Variants in RABGAP1L observed in about 807,000 individuals in gnomAD.
RABGAP1L encodes the protein RAB GTPase activating protein 1 like.
In RABGAP1L, 63 loss-of-function variants were observed where a neutral mutation model predicts 137.7. The ratio of observed to expected loss-of-function variants is 0.46; its 90% CI spans 0.37 to 0.56. RABGAP1L has a LOEUF of 0.56. Ranked by LOEUF, RABGAP1L falls within the 20% of genes least tolerant of loss-of-function variation. The pLI is 0.00. For synonymous variants in RABGAP1L, 431 were observed against 433.7 expected (o/e 0.99, Z 0.08); for missense variants, 1,095 against 1,244.0 (o/e 0.88, Z 1.80).
intron 1 of RABGAP1L, among the ~76,000 whole-genome samples, chr1:174,214,645 A>G (rs1669146086): frequency 6.6e-6 from 1 of 152,176 alleles, no homozygotes; most frequent in Non-Finnish European, 1.5e-5. Flanking sequence ...AAACACATAG[A>G]CCAGTGGAAC....
chr1:174,615,351 A>G (rs187374541), intron 13 of RABGAP1L, among the ~76,000 whole-genome samples: 76 of 152,206 alleles, frequency 5.0e-4, no homozygotes, highest in African/African-American at 1.5e-3. Context: ...TCCAGACCCT[A>G]TTTGCCTGGG....
intron 10 of RABGAP1L, among the ~76,000 whole-genome samples, chr1:174,291,769 G>A (rs1255292338): frequency 6.6e-6 from 1 of 151,672 alleles, no homozygotes; most frequent in Non-Finnish European, 1.5e-5. Flanking sequence ...CATCTATAGG[G>A]TTTGTAGGAT....
intron 17 of RABGAP1L, among the ~76,000 whole-genome samples, chr1:174,734,692 C>T (rs1682782552): frequency 6.6e-6 from 1 of 152,178 alleles, no homozygotes; most frequent in African/African-American, 2.4e-5. Flanking sequence ...CTTTACTTTT[C>T]CACTGGGACC....
chr1:174,437,404 G>A (rs1434271270), intron 13 of RABGAP1L, among the ~76,000 whole-genome samples: 4 of 152,144 alleles, frequency 2.6e-5, no homozygotes, highest in African/African-American at 4.8e-5. Context: ...ACCATGGCAC[G>A]AGAGCTATGT....
intron 19 of RABGAP1L, among the ~76,000 whole-genome samples, chr1:174,902,224 G>A (rs1004370275): frequency 3.3e-5 from 5 of 152,206 alleles, no homozygotes; most frequent in Non-Finnish European, 7.3e-5. Context: ...GGTATGCTGT[G>A]TTGGAGGAGG....
intron 10 of RABGAP1L, among the ~76,000 whole-genome samples, chr1:174,287,503 G>T (rs60005461): frequency 6.6e-6 from 1 of 151,906 alleles, no homozygotes; most frequent in Non-Finnish European, 1.5e-5. Flanking sequence ...CTTTGTTTTT[G>T]TTTTGAGAAG....
At chr1:174,733,959 A>G (rs1261770545) in intron 17 of RABGAP1L, among the ~76,000 whole-genome samples, 3 of 152,158 alleles carry the variant, frequency 2.0e-5, no homozygotes, top group African/African-American at 7.2e-5. Flanking sequence ...TGAATTTGGG[A>G]TATGTTTACC....
At chr1:174,263,703 T>G (rs1176692093) in intron 7 of RABGAP1L, among the ~76,000 whole-genome samples, 1 of 152,134 alleles carries the variant, frequency 6.6e-6, no homozygotes, top group Non-Finnish European at 1.5e-5. Flanking sequence ...AGATTATCTT[T>G]TATTTACTTT....
At chr1:174,641,032 A>C (rs1036701490) in intron 14 of RABGAP1L, among the ~76,000 whole-genome samples, 4 of 149,434 alleles carry the variant, frequency 2.7e-5, no homozygotes, top group African/African-American at 9.8e-5. Flanking sequence ...ATAATTTTAC[A>C]TTTGCAGAGT....
At chr1:174,318,718 T>C (rs1011073741) in intron 11 of RABGAP1L, among the ~76,000 whole-genome samples, 5 of 151,742 alleles carry the variant, frequency 3.3e-5, no homozygotes, top group African/African-American at 1.2e-4. Context: ...TATAATGGCA[T>C]ACTTTATTTC....
At chr1:174,525,363 T>A (rs550207459) in intron 13 of RABGAP1L, among the ~76,000 whole-genome samples, 182 of 152,276 alleles carry the variant, frequency 1.2e-3, no homozygotes, top group African/African-American at 4.2e-3. Flanking sequence ...TTCACCTTCT[T>A]GGTCAAATGT....
intron 18 of RABGAP1L, among the ~76,000 whole-genome samples, chr1:174,806,913 A>G (rs1345971608): frequency 6.6e-6 from 1 of 152,078 alleles, no homozygotes; most frequent in African/African-American, 2.4e-5. Context: ...AGCCTCCAGA[A>G]TATCTGGGAT....
intron 11 of RABGAP1L, among the ~76,000 whole-genome samples, chr1:174,320,575 A>C (rs1679868204): frequency 6.6e-6 from 1 of 152,204 alleles, no homozygotes; most frequent in Admixed American, 6.5e-5. Flanking sequence ...CCATGGCAGA[A>C]GAACATAAAT....
At position 174,221,071 on chromosome 1, in the gene RABGAP1L, T is replaced by G. The variant is rs775576293; in HGVS notation, c.238T>G (p.Ser80Ala). 16 of 1,613,952 alleles carry G rather than the reference T, an allele frequency of 9.9e-6. No homozygotes were observed. In the East Asian group the frequency reaches 3.3e-4, roughly 34 times the overall value. Reference sequence around the variant, plus strand: ...CAGTCTTCTTGTTGATTGTCAAAGTTCCAGTGAGATTTCAGACCATTCGTT... The same window carrying G: ...CAGTCTTCTTGTTGATTGTCAAAGTGCCAGTGAGATTTCAGACCATTCGTT... The part of the protein sequence containing the change: ...PSSLLVDCQS[S>A]SEISDHSFGD... The change falls in exon 3 of 26, where the codon TCC becomes GCC. Residue 80 changes from serine (S) to alanine (A), a missense_variant. By Grantham distance (99) the Ser-to-Ala change is moderately conservative (BLOSUM62 1). Coordinates refer to ENST00000681986, the MANE Select transcript of RABGAP1L (RefSeq NM_001366446.1).
intron 20 of RABGAP1L, among the ~76,000 whole-genome samples, chr1:174,962,732 G>C (rs1003744488): frequency 7.0e-6 from 1 of 143,280 alleles, no homozygotes; most frequent in Non-Finnish European, 1.5e-5. Context: ...AAAAGAGGGA[G>C]TAGACTTTTT....
chr1:174,698,200 T>C (rs1389351159), intron 15 of RABGAP1L, among the ~76,000 whole-genome samples: 2 of 152,242 alleles, frequency 1.3e-5, no homozygotes, highest in Non-Finnish European at 2.9e-5. Flanking sequence ...TCCTAGGACA[T>C]TGAATAAGTA....
rs1360199291 is a variant in RABGAP1L at position 174,976,068 on chromosome 1, T to C, written c.2545-10T>C. On this transcript the variant is annotated splice_polypyrimidine_tract_variant and intron_variant, in intron 21 of 25. Coordinates refer to ENST00000681986, the MANE Select transcript of RABGAP1L (RefSeq NM_001366446.1). Reference sequence around the variant, plus strand: ...TGTGATGTATGACTGTGATGCACCATGATTTGCAGGCAGAAGACAAGGCAG... The same window carrying C: ...TGTGATGTATGACTGTGATGCACCACGATTTGCAGGCAGAAGACAAGGCAG... 6.5e-7 allele frequency: 1 copy of C among 1,547,690 alleles called. No individual in the cohort carries two copies. Among genetic ancestry groups the C allele is most frequent in the Non-Finnish European group, 8.7e-7 (1 of 1,144,206 alleles).
At chr1:174,556,917 G>A (rs1572314772) in intron 13 of RABGAP1L, among the ~76,000 whole-genome samples, 2 of 152,132 alleles carry the variant, frequency 1.3e-5, no homozygotes, top group African/African-American at 2.4e-5. Flanking sequence ...AGCATGTCAC[G>A]GAATCTTTCT....
At chr1:174,474,540 C>T (rs1658281687) in intron 13 of RABGAP1L, among the ~76,000 whole-genome samples, 1 of 152,104 alleles carries the variant, frequency 6.6e-6, no homozygotes, top group Admixed American at 6.6e-5. Context: ...CAGGATCTAC[C>T]ACTTATTACC....
Sources: allele counts gnomAD v4.1 joint callset (sites outside exome capture counted in the v4.1 genomes callset), GRCh38; gene constraint gnomAD v4.1.1; transcripts MANE v1.5; gene names NCBI Gene and HGNC (gene_info 2026-07-23, HGNC 2026-07-21).